Variants in VPS13A observed in about 807,000 individuals in gnomAD.
VPS13A encodes intermembrane lipid transfer protein VPS13A.
VPS13A carries 264 observed loss-of-function variants against 390.9 expected under a neutral mutation model. The observed-to-expected ratio is 0.68, with a 90% CI of 0.61 to 0.75. The LOEUF (loss-of-function observed/expected upper bound fraction) is 0.75, where lower values mean the gene tolerates loss of function less well. Among genes scored for constraint, VPS13A ranks in the 30% least tolerant of loss-of-function variants. The probability of loss-of-function intolerance (pLI) is 0.00; values close to 1 mark genes in which losing one functional copy is unlikely to be tolerated. For synonymous variants in VPS13A, 1,231 were observed against 1,227.1 expected (o/e 1.00, Z -0.07); for missense variants, 3,409 against 3,733.9 (o/e 0.91, Z 2.27).
chr9:77,286,390 A>G lies in VPS13A; in HGVS notation c.3339+2740A>G, dbSNP rs139613115. ...CTTCATTTATTAAATGGGAGAGTTC[A>G]CCAGTCTTTATGCTGGTATCACCAA... On this transcript the variant is annotated intron_variant, in intron 31 of 71. Coordinates refer to ENST00000360280, the MANE Select transcript of VPS13A (RefSeq NM_033305.3). 4.2e-3 allele frequency among the ~76,000 whole-genome samples: 635 copies of G among 152,294 alleles called. 7 individuals are homozygous for G. Among genetic ancestry groups the G allele is most frequent in the African/African-American group, 0.014 (600 of 41,566 alleles).
intron 3 of VPS13A, among the ~76,000 whole-genome samples, chr9:77,201,741 T>C (rs1825342171): frequency 6.6e-6 from 1 of 152,152 alleles, no homozygotes; most frequent in African/African-American, 2.4e-5. Flanking sequence ...TAACATTGGA[T>C]ATATTGTGTA....
At chr9:77,226,382 G>T (rs1823516256) in intron 14 of VPS13A, 84 bp from the exon 15 acceptor site, 1 of 1,306,900 alleles carries the variant, frequency 7.7e-7, no homozygotes, top group African/African-American at 1.5e-5. Flanking sequence ...AAGAGGATAA[G>T]TTCTCAGAAT....
At chr9:77,187,778 A>C (rs943203488) in intron 1 of VPS13A, among the ~76,000 whole-genome samples, 3 of 151,920 alleles carry the variant, frequency 2.0e-5, no homozygotes, top group African/African-American at 4.8e-5. Flanking sequence ...ATTGTGTGTC[A>C]CTGGGGTTTG....
At chr9:77,412,244 T>C (rs1268353822) in intron 71 of VPS13A, among the ~76,000 whole-genome samples, 1 of 152,204 alleles carries the variant, frequency 6.6e-6, no homozygotes, top group Admixed American at 6.5e-5. Context: ...ACTCATTTTA[T>C]GAAGCCAGCA....
intron 20 of VPS13A, among the ~76,000 whole-genome samples, chr9:77,249,783 CT>C (rs1159105411): frequency 6.6e-6 from 1 of 152,170 alleles, no homozygotes; most frequent in Middle Eastern, 3.2e-3. Context: ...AAATTTGTCT[CT>C]TGATCTTGCT....
rs1438650214 is a variant in VPS13A, at chr9:77,308,116, A to G, written c.4114+18A>G. On this transcript the variant is annotated intron_variant, in intron 35 of 71. Transcript: ENST00000360280. ...TTCAGGAGGTATGTTTTTAACTTCA[A>G]ATTTCTTTCTGCTTTCCTCTTTCTC... 1 of 1,612,938 alleles carries G rather than the reference A, an allele frequency of 6.2e-7. No individual in the cohort carries two copies. Among genetic ancestry groups the G allele is most frequent in the Non-Finnish European group, 8.5e-7 (1 of 1,179,242 alleles).
chr9:77,409,800 A>G (rs1449196349), intron 71 of VPS13A, among the ~76,000 whole-genome samples: 3 of 151,336 alleles, frequency 2.0e-5, no homozygotes, highest in African/African-American at 7.3e-5. Context: ...CTATGTGAAA[A>G]GACCAAATCT....
chr9:77,314,246 C>A, intron 36 of VPS13A, 127 bp downstream of exon 36: 1 of 1,049,600 alleles, frequency 9.5e-7, no homozygotes, highest in Non-Finnish European at 1.4e-6. Flanking sequence ...GAAAAATGAT[C>A]TTTTTACTTT....
At chr9:77,246,164 A>G (rs998003277) in intron 19 of VPS13A, among the ~76,000 whole-genome samples, 3 of 152,208 alleles carry the variant, frequency 2.0e-5, no homozygotes, top group African/African-American at 4.8e-5. Flanking sequence ...CCCAAACTGT[A>G]GCACAGGCTT....
rs901930785 is a variant in VPS13A at position 77,193,948 on chromosome 9, G to T, written c.101-5997G>T. Among the ~76,000 whole-genome samples the T allele has an allele frequency of 3.3e-4, 50 of 152,138 alleles. 1 individual carries two copies. Among genetic ancestry groups the T allele is most frequent in the Admixed American group, 5.2e-4 (8 of 15,278 alleles). ...GGCATGCATGCTATAACCCTGGGGT[G>T]TTAGGACTAGGCACATGACTTTGTT... On this transcript the variant is annotated intron_variant, in intron 1 of 71. Transcript: ENST00000360280.
At chr9:77,247,587 G>C (rs1208753529) in intron 20 of VPS13A, among the ~76,000 whole-genome samples, 192 bp downstream of exon 20, 1 of 152,166 alleles carries the variant, frequency 6.6e-6, no homozygotes, top group Non-Finnish European at 1.5e-5. Flanking sequence ...CTACACTTAT[G>C]AAAGCAAAAT....
chr9:77,413,106 A>C (rs1186300200), intron 71 of VPS13A, among the ~76,000 whole-genome samples: 1 of 152,248 alleles, frequency 6.6e-6, no homozygotes, highest in South Asian at 2.1e-4. Context: ...GGATACAAAC[A>C]AATGGAAGAA....
chr9:77,345,672 C>G lies in VPS13A; in HGVS notation c.7289+530C>G, dbSNP rs368752840. Among the ~76,000 whole-genome samples the G allele has an allele frequency of 1.9e-4, 29 of 152,232 alleles. No individual in the cohort carries two copies. In the East Asian group the frequency reaches 3.9e-3, roughly 20 times the overall value. On this transcript the variant is annotated intron_variant, in intron 52 of 71. Transcript: ENST00000360280. The stretch of plus-strand genomic sequence containing the variant: ...CTACAGGTTATGCAAGTTTCTGATC[C>G]TCTACTTAGTAGTTCCAGGCTGTCT...
intron 68 of VPS13A, among the ~76,000 whole-genome samples, chr9:77,398,735 G>C (rs904691073): frequency 6.6e-6 from 1 of 152,044 alleles, no homozygotes; most frequent in Non-Finnish European, 1.5e-5. Context: ...GTTTATAATG[G>C]AGACTGACCA....
In VPS13A at chr9:77,177,556, G is replaced by T. The variant is rs1823704984; in HGVS notation, c.-149G>T. The T allele has an allele frequency of 2.1e-5, 15 of 716,110 alleles. No homozygotes were observed. Among genetic ancestry groups the T allele is most frequent in the Non-Finnish European group, 3.2e-5 (13 of 410,196 alleles). The allele number at this position is 716,110 out of a possible 1,614,324, so 44.4% of individuals were successfully genotyped here. On this transcript the variant is annotated 5_prime_UTR_variant, in exon 1 of 72. Transcript: ENST00000360280. Reference sequence around the variant, plus strand: ...ACCGCCTCCGTCTCTCGCTGGGCTCGCTAGGGCTGCGCGTTGGGCCAGCGG... The same window carrying T: ...ACCGCCTCCGTCTCTCGCTGGGCTCTCTAGGGCTGCGCGTTGGGCCAGCGG...
rs375621860 is a variant in VPS13A at position 77,370,942 on chromosome 9, A to G, written c.8953+7A>G. The G allele has an allele frequency of 2.8e-5, 45 of 1,614,096 alleles. No homozygotes were observed. In the East Asian group the frequency reaches 5.8e-4, roughly 21 times the overall value. On this transcript the variant is annotated splice_region_variant and intron_variant, in intron 66 of 71. Coordinates refer to ENST00000360280, the MANE Select transcript of VPS13A (RefSeq NM_033305.3). Reference sequence around the variant, plus strand: ...GTTACAAAACCAATCAAAGGCAAGTATAGTAGTTCCTTTGCAAGTCTTTCT... The same window carrying G: ...GTTACAAAACCAATCAAAGGCAAGTGTAGTAGTTCCTTTGCAAGTCTTTCT...
chr9:77,361,759 C>A (rs1832150041), intron 59 of VPS13A, among the ~76,000 whole-genome samples: 1 of 152,114 alleles, frequency 6.6e-6, no homozygotes. Context: ...ATTTTACATT[C>A]TTACCAGAGC....
intron 33 of VPS13A, among the ~76,000 whole-genome samples, chr9:77,297,894 G>A (rs1159465733): frequency 6.6e-6 from 1 of 152,110 alleles, no homozygotes; most frequent in Admixed American, 6.6e-5. Context: ...GGATAATTTG[G>A]TAACTATTGC....
At chr9:77,240,533 G>A (rs1206164210) in intron 19 of VPS13A, among the ~76,000 whole-genome samples, 1 of 147,388 alleles carries the variant, frequency 6.8e-6, no homozygotes, top group Non-Finnish European at 1.5e-5. Flanking sequence ...CTGGGGGTGC[G>A]GTGGCATAAT....
Sources: gnomAD v4.1 joint callset for allele counts (sites outside exome capture counted in the v4.1 genomes callset) on GRCh38, gnomAD v4.1.1 for gene constraint, MANE v1.5 for transcripts, NCBI Gene and HGNC (gene_info 2026-07-23, HGNC 2026-07-21) for gene names.